ASH1L: variants seen among roughly 807,000 people sequenced by gnomAD.
ASH1L encodes histone-lysine N-methyltransferase ASH1L.
In ASH1L, 23 loss-of-function variants were observed where a neutral mutation model predicts 269.0. That is an observed-to-expected ratio of 0.09 (90% CI 0.06 to 0.12). ASH1L has a LOEUF of 0.12. Among genes scored for constraint, ASH1L ranks in the 10% least tolerant of loss-of-function variants. ASH1L has a pLI of 1.00. For missense variants in ASH1L, 2,912 were observed against 3,567.8 expected, an observed-to-expected ratio of 0.82 and a Z score of 4.68; for synonymous variants, 1,187 against 1,253.5, an observed-to-expected ratio of 0.95 and a Z score of 1.12.
intron 1 of ASH1L, among the ~76,000 whole-genome samples, chr1:155,554,397 C>T (rs535915026): frequency 1.3e-5 from 2 of 152,178 alleles, no homozygotes; most frequent in South Asian, 2.1e-4. Context: ...CTCAGCCTCC[C>T]GAGTAGCTGG....
chr1:155,559,492 G>A (rs546771247), intron 1 of ASH1L, among the ~76,000 whole-genome samples: 31 of 141,840 alleles, frequency 2.2e-4, no homozygotes, highest in African/African-American at 6.5e-4. Context: ...TTGAGATAGC[G>A]CCACTGCACT....
chr1:155,419,122 C>T (rs959187113), intron 5 of ASH1L, among the ~76,000 whole-genome samples: 5 of 147,746 alleles, frequency 3.4e-5, no homozygotes, highest in African/African-American at 1.0e-4. Context: ...AAAAAGGGGC[C>T]GAGCACAGTG....
At position 155,479,541 on chromosome 1, in the gene ASH1L, T is replaced by G. The variant is rs750094410; in HGVS notation, c.3329A>C (p.Gln1110Pro). ...CTGACCTCCACTAGTCCCAGAAGAC[T>G]GAGAGCAAATAGGTGATGGAAGAAT... Reference protein sequence around the residue: ...SEILPSPICSQSSGTSGGQSP... With the variant: ...SEILPSPICSPSSGTSGGQSP... Residue 1110 changes from glutamine (Q) to proline (P), a missense_variant, in exon 3 of 28, where the codon CAG becomes CCG. Coordinates refer to ENST00000392403, the MANE Select transcript of ASH1L (RefSeq NM_018489.3). 1.2e-6 allele frequency: 2 copies of G among 1,614,166 alleles called. No individual in the cohort carries two copies. The highest frequency in any genetic ancestry group is 2.2e-5 in the South Asian group (2 of 91,088).
intron 1 of ASH1L, among the ~76,000 whole-genome samples, chr1:155,534,996 T>C (rs1669951667): frequency 6.6e-6 from 1 of 152,126 alleles, no homozygotes; most frequent in African/African-American, 2.4e-5. Context: ...AAGACCAGCC[T>C]AGCCAACACA....
At chr1:155,372,134 G>A (rs553742131) in intron 10 of ASH1L, among the ~76,000 whole-genome samples, 64 of 151,618 alleles carry the variant, frequency 4.2e-4, no homozygotes, top group Admixed American at 1.7e-3. Flanking sequence ...TGGGATTACA[G>A]GCGCATACCA....
intron 10 of ASH1L, among the ~76,000 whole-genome samples, chr1:155,372,728 C>T (rs1014486368): frequency 1.4e-4 from 22 of 152,030 alleles, no homozygotes; most frequent in African/African-American, 4.4e-4. Flanking sequence ...CATCCTGCCT[C>T]GGCCTCCTGA....
intron 5 of ASH1L, chr1:155,433,444 C>T (rs752120097): frequency 1.4e-5 from 22 of 1,609,930 alleles, no homozygotes; most frequent in East Asian, 4.5e-5. Flanking sequence ...TGCCCCAAGG[C>T]GGCTTGGAGA....
chr1:155,548,605 T>TAGAGGAAA (rs1670990305), intron 1 of ASH1L, among the ~76,000 whole-genome samples: 1 of 152,234 alleles, frequency 6.6e-6, no homozygotes, highest in Non-Finnish European at 1.5e-5. Flanking sequence ...TAGTACTTGT[T>TAGAGGAAA]AGAGTTTCTT....
chr1:155,471,029 A>G (rs1436299204), intron 3 of ASH1L, among the ~76,000 whole-genome samples: 2 of 152,240 alleles, frequency 1.3e-5, no homozygotes, highest in African/African-American at 4.8e-5. Flanking sequence ...CTGCTTAACT[A>G]AAAACTTTTC....
chr1:155,338,917 T>A (rs1558009698), intron 26 of ASH1L, among the ~76,000 whole-genome samples: 1 of 152,144 alleles, frequency 6.6e-6, no homozygotes, highest in African/African-American at 2.4e-5. Flanking sequence ...TCAGGAATAA[T>A]CCTCACGTAC....
chr1:155,497,863 C>T (rs867925739), intron 2 of ASH1L, among the ~76,000 whole-genome samples: 8 of 152,140 alleles, frequency 5.3e-5, no homozygotes, highest in South Asian at 2.1e-4. Flanking sequence ...CATTCTCCTG[C>T]CTCAGCCTCC....
At chr1:155,346,064 G>A (rs1373846901) in intron 21 of ASH1L, 3 of 869,506 alleles carry the variant, frequency 3.5e-6, no homozygotes, top group African/African-American at 1.7e-5. Context: ...GAACTCCTGA[G>A]CTCAGGCAAT....
At chr1:155,544,699 TAAAAA>T in intron 1 of ASH1L, among the ~76,000 whole-genome samples, 1 of 151,384 alleles carries the variant, frequency 6.6e-6, no homozygotes, top group Non-Finnish European at 1.5e-5. Flanking sequence ...GTAAATAAAA[TAAAAA>T]GACAAATAAG....
At chr1:155,433,453 G>C (rs867965102) in intron 5 of ASH1L, 1 of 1,610,346 alleles carries the variant, frequency 6.2e-7, no homozygotes, top group African/African-American at 1.3e-5. Context: ...GCGGCTTGGA[G>C]ACCTCTCAGC....
chr1:155,550,479 TCTATCTC>T (rs1250650580), intron 1 of ASH1L, among the ~76,000 whole-genome samples: 1 of 152,192 alleles, frequency 6.6e-6, no homozygotes, highest in Non-Finnish European at 1.5e-5. Context: ...GGCTACCTCT[TCTATCTC>T]CTATCACTAT....
chr1:155,357,248 T>C, intron 15 of ASH1L, 68 bp downstream of exon 15: 1 of 1,340,318 alleles, frequency 7.5e-7, no homozygotes, highest in Non-Finnish European at 1.0e-6. Flanking sequence ...AGAAGTTTCA[T>C]AATTTTTTAC....
intron 1 of ASH1L, among the ~76,000 whole-genome samples, chr1:155,532,965 G>GGAGAGAGA (rs10679513): frequency 7.0e-6 from 1 of 142,038 alleles, no homozygotes; most frequent in Non-Finnish European, 1.5e-5. Context: ...ATATATGGGG[G>GGAGAGAGA]GAGAGAGAGA....
intron 1 of ASH1L, among the ~76,000 whole-genome samples, chr1:155,560,611 G>A (rs1255559871): frequency 1.3e-5 from 2 of 152,126 alleles, no homozygotes; most frequent in Non-Finnish European, 2.9e-5. Flanking sequence ...GCTATTTACA[G>A]AGACACCTTG....
At chr1:155,350,865 G>A (rs1653839683) in intron 17 of ASH1L, among the ~76,000 whole-genome samples, 1 of 144,680 alleles carries the variant, frequency 6.9e-6, no homozygotes, top group African/African-American at 2.6e-5. Flanking sequence ...AGGTTGCAGT[G>A]AACAGAGATT....
Sources: allele counts gnomAD v4.1 joint callset (sites outside exome capture counted in the v4.1 genomes callset), GRCh38; gene constraint gnomAD v4.1.1; transcripts MANE v1.5; gene names NCBI Gene and HGNC (gene_info 2026-07-23, HGNC 2026-07-21).